PCDH7: variants seen among roughly 807,000 people sequenced by gnomAD.
PCDH7 encodes the protein protocadherin-7.
Under a neutral mutation model 58.9 loss-of-function variants are expected in PCDH7, and 17 were observed. The observed-to-expected ratio is 0.29, with a 90% confidence interval of 0.20 to 0.43. The LOEUF (loss-of-function observed/expected upper bound fraction) is 0.43, where lower values mean the gene tolerates loss of function less well. Among genes scored for constraint, PCDH7 ranks in the 20% least tolerant of loss-of-function variants. PCDH7 has a pLI of 1.00. For synonymous variants in PCDH7, 664 were observed against 616.4 expected (o/e 1.08, Z -1.14); for missense variants, 1,274 against 1,441.0 (o/e 0.88, Z 1.88).
At chr4:30,863,016 T>G (rs866649897) in intron 1 of PCDH7, among the ~76,000 whole-genome samples, 3 of 152,174 alleles carry the variant, frequency 2.0e-5, no homozygotes, top group Non-Finnish European at 4.4e-5. Context: ...CTCTCATTTT[T>G]ATGAAAGGAG....
At chr4:30,829,955 A>C (rs2109329505) in intron 1 of PCDH7, among the ~76,000 whole-genome samples, 1 of 152,214 alleles carries the variant, frequency 6.6e-6, no homozygotes, top group Non-Finnish European at 1.5e-5. Flanking sequence ...TAGGCTAGTA[A>C]ATCATGATTG....
chr4:30,870,788 G>A (rs1364195587), intron 1 of PCDH7, among the ~76,000 whole-genome samples: 1 of 152,082 alleles, frequency 6.6e-6, no homozygotes, highest in African/African-American at 2.4e-5. Context: ...CTAATGCTTT[G>A]CTTCAAGCAC....
chr4:31,111,211 T>C (rs10003037), intron 3 of PCDH7, among the ~76,000 whole-genome samples: 86,171 of 151,906 alleles, frequency 0.57, 27,751 homozygotes, highest in African/African-American at 0.88. Flanking sequence ...TAGCCCAAAG[T>C]GTATTTTGTA....
intron 1 of PCDH7, among the ~76,000 whole-genome samples, chr4:30,790,914 C>G (rs1255916647): frequency 6.6e-6 from 1 of 151,786 alleles, no homozygotes; most frequent in Non-Finnish European, 1.5e-5. Flanking sequence ...CAGAGAGAGA[C>G]CTTGTCTCAA....
chr4:31,119,648 G>GGTTTTATA (rs1187080850), intron 3 of PCDH7, among the ~76,000 whole-genome samples: 2 of 152,074 alleles, frequency 1.3e-5, no homozygotes, highest in Admixed American at 1.3e-4. Context: ...TTTGACATGA[G>GGTTTTATA]GTTTTATATG....
At chr4:31,060,397 C>G (rs1188038891) in intron 3 of PCDH7, among the ~76,000 whole-genome samples, 3 of 151,670 alleles carry the variant, frequency 2.0e-5, no homozygotes, top group Non-Finnish European at 4.4e-5. Flanking sequence ...CTCCCTGTAT[C>G]CAGCTAGGTT....
At chr4:31,054,872 T>A (rs1757022869) in intron 3 of PCDH7, among the ~76,000 whole-genome samples, 1 of 152,220 alleles carries the variant, frequency 6.6e-6, no homozygotes, top group African/African-American at 2.4e-5. Flanking sequence ...TAGCATCTTT[T>A]ATTTAAGAAC....
chr4:30,907,143 T>C (rs1008148744), intron 1 of PCDH7, among the ~76,000 whole-genome samples: 1 of 152,156 alleles, frequency 6.6e-6, no homozygotes, highest in East Asian at 1.9e-4. Flanking sequence ...ATGACCTGTC[T>C]ATGGACTTCT....
intron 3 of PCDH7, among the ~76,000 whole-genome samples, chr4:30,972,998 G>A (rs968978438): frequency 3.9e-5 from 6 of 152,164 alleles, no homozygotes; most frequent in Non-Finnish European, 1.5e-5. Context: ...ACTAAGAGAC[G>A]TGAAGAAATG....
intron 1 of PCDH7, among the ~76,000 whole-genome samples, chr4:30,816,553 T>G (rs1727696160): frequency 6.6e-6 from 1 of 152,144 alleles, no homozygotes; most frequent in African/African-American, 2.4e-5. Flanking sequence ...ATGAGTTTTT[T>G]TTTTTAACTT....
At chr4:31,044,454 A>G (rs1756126947) in intron 3 of PCDH7, among the ~76,000 whole-genome samples, 1 of 152,058 alleles carries the variant, frequency 6.6e-6, no homozygotes, top group Non-Finnish European at 1.5e-5. Context: ...TTTTAAGTGT[A>G]ATTATCAGCA....
chr4:30,976,130 CA>C (rs1432956323), intron 3 of PCDH7, among the ~76,000 whole-genome samples: 2 of 152,118 alleles, frequency 1.3e-5, no homozygotes, highest in Admixed American at 1.3e-4. Flanking sequence ...TATCTACTTT[CA>C]ATATAAAATT....
intron 1 of PCDH7, among the ~76,000 whole-genome samples, chr4:30,894,708 G>A (rs935937688): frequency 1.3e-5 from 2 of 149,412 alleles, no homozygotes; most frequent in African/African-American, 2.5e-5. Flanking sequence ...AGAAAATTCA[G>A]ATGTTTTTAT....
At chr4:30,804,809 C>A (rs568322712) in intron 1 of PCDH7, among the ~76,000 whole-genome samples, 3 of 152,260 alleles carry the variant, frequency 2.0e-5, no homozygotes, top group South Asian at 4.1e-4. Context: ...AAAATAAGGT[C>A]TCTGACTTAG....
chr4:31,039,368 G>C (rs1348643862), intron 3 of PCDH7, among the ~76,000 whole-genome samples: 2 of 152,180 alleles, frequency 1.3e-5, no homozygotes, highest in African/African-American at 2.4e-5. Context: ...GTTGGGTACA[G>C]TTTATAGTGT....
intron 1 of PCDH7, chr4:30,884,606 A>G (rs1223357062): frequency 6.6e-6 from 1 of 152,190 alleles, no homozygotes; most frequent in Non-Finnish European, 1.5e-5. Flanking sequence ...GATTCAGAAT[A>G]GGCATTGACT....
intron 3 of PCDH7, among the ~76,000 whole-genome samples, chr4:31,019,867 C>T (rs1048339033): frequency 1.3e-5 from 2 of 151,684 alleles, no homozygotes; most frequent in Non-Finnish European, 2.9e-5. Flanking sequence ...AAGAATAGTA[C>T]CTGGTATGCT....
rs1474700411 is a variant in PCDH7 at position 30,721,142 on chromosome 4, G to T, written c.-281G>T. On this transcript the variant is annotated 5_prime_UTR_variant, in exon 1 of 2. Coordinates refer to ENST00000361762, the Ensembl canonical transcript of PCDH7. This position sits in a 1 kb window ranked among gnomAD's most constrained non-coding sequence, Gnocchi z 6.7. ...TGAACTGTGAGTACTGCGACTGAAC[G>T]GCGGCAGGCGAGCGGGCGATTAGCA... 1.6e-5 allele frequency: 7 copies of T among 444,576 alleles called. No homozygotes were observed. Among genetic ancestry groups the T allele is most frequent in the Admixed American group, 8.1e-5 (2 of 24,622 alleles). The allele number at this position is 444,576 out of a possible 1,614,324, so 27.5% of individuals were successfully genotyped here. A position where few individuals can be genotyped will look rare whatever the true frequency, so the allele number is the denominator to read the frequency against.
intron 3 of PCDH7, among the ~76,000 whole-genome samples, chr4:30,981,590 A>G (rs1474958761): frequency 1.3e-5 from 2 of 152,216 alleles, no homozygotes; most frequent in Non-Finnish European, 2.9e-5. Context: ...TAAAAAGCTC[A>G]TATTCTATCA....
Sources: allele counts gnomAD v4.1 joint callset (sites outside exome capture counted in the v4.1 genomes callset), GRCh38; gene constraint gnomAD v4.1.1; non-coding constraint Gnocchi (gnomAD v3.1); transcripts MANE v1.5; gene names NCBI Gene and HGNC (gene_info 2026-07-23, HGNC 2026-07-21).